Variants in TADA1 observed in about 807,000 individuals in gnomAD.
The protein encoded by TADA1 is transcriptional adapter 1.
A neutral mutation model predicts 39.3 loss-of-function variants in TADA1; 23 were observed. That is an observed-to-expected ratio of 0.58 (90% confidence interval 0.42 to 0.83). The LOEUF (loss-of-function observed/expected upper bound fraction) is 0.83. Ranked by LOEUF, TADA1 falls within the 40% of genes least tolerant of loss-of-function variation. The pLI is 0.00. For synonymous variants in TADA1, 137 were observed against 151.8 expected, an observed-to-expected ratio of 0.90 and a Z score of 0.72; for missense variants, 352 against 408.1, an observed-to-expected ratio of 0.86 and a Z score of 1.18.
In TADA1 at chr1:166,862,232, C is replaced by G; in HGVS notation, c.511G>C (p.Ala171Pro). 6.2e-7 allele frequency: 1 copy of G among 1,613,742 alleles called. No individual in the cohort carries two copies. ...ACAGCATAGACAACAGCTGAAACAG[C>G]CTCCTCGGTGACATTGTCCAGCCCA... ...EHGLDNVTEE[A>P]VSAVVYAVEN... is the part of the protein sequence containing the mutation. The change falls in exon 5 of 8, where the codon GCT becomes CCT. Residue 171 changes from alanine to proline, a missense_variant. By Grantham distance (27) the Ala-to-Pro change is conservative. This residue lies in a region of TADA1 where 285 missense variants were observed against 310.9 expected (regional missense o/e 0.92). Transcript: ENST00000367874.
chr1:166,861,411 T>C (rs748020395), intron 5 of TADA1, among the ~76,000 whole-genome samples: 3 of 152,280 alleles, frequency 2.0e-5, no homozygotes, highest in African/African-American at 7.2e-5. Context: ...CTCAGAGAAT[T>C]GAAAATCCAA....
chr1:166,874,084 G>A (rs1010954564), intron 1 of TADA1, among the ~76,000 whole-genome samples: 2 of 151,582 alleles, frequency 1.3e-5, no homozygotes. Flanking sequence ...GGCTCACGTC[G>A]GTAATCCCAG....
At chr1:166,875,921 G>A (rs980654973) in intron 1 of TADA1, among the ~76,000 whole-genome samples, 9 of 152,112 alleles carry the variant, frequency 5.9e-5, no homozygotes, top group African/African-American at 2.2e-4. Flanking sequence ...AGGGCAGACA[G>A]TCCCGAGCAA....
At position 166,867,532 on chromosome 1, in the gene TADA1, AACAACGACTTC is replaced by A. The variant is rs1375040906; in HGVS notation, c.232+1902_232+1912del. 3.9e-5 allele frequency among the ~76,000 whole-genome samples: 6 copies of A among 152,150 alleles called. No individual in the cohort carries two copies. In the South Asian group the frequency reaches 1.0e-3, roughly 26 times the overall value. On this transcript the variant is annotated intron_variant, in intron 3 of 7. Coordinates refer to ENST00000367874, the MANE Select transcript of TADA1 (RefSeq NM_053053.4). ...AGGTGCTCACAGTTTACTACACATT[AACAACGACTTC>A]TTTGAGGGTCAAAGAACGAGGTGTT...
chr1:166,858,208 G>A lies in TADA1; in HGVS notation c.766C>T (p.Gln256Ter). 6.2e-7 allele frequency: 1 copy of A among 1,613,692 alleles called. No individual in the cohort carries two copies. Among genetic ancestry groups the A allele is most frequent in the Non-Finnish European group, 8.5e-7 (1 of 1,179,830 alleles). ...GAGCATGCCAGCAGGAGTGCAGCCT[G>A]CTGCTCAGCATCATCAGGGGGTGGG... Reference protein sequence around the residue: ...SHPPPDDAEQQAALLLACSGD... With the variant: ...SHPPPDDAEQ The change falls in exon 7 of 8, where the codon CAG (glutamine) becomes TAG (stop). Residue 256 changes from glutamine (Q) to a stop codon, truncating the protein, a stop_gained. Coordinates refer to ENST00000367874, the MANE Select transcript of TADA1 (RefSeq NM_053053.4). LOFTEE classifies it high-confidence loss of function.
chr1:166,859,353 A>C (rs1005114222), intron 6 of TADA1, among the ~76,000 whole-genome samples: 11 of 152,194 alleles, frequency 7.2e-5, no homozygotes, highest in African/African-American at 2.7e-4. Flanking sequence ...AGTCCCAGTT[A>C]TCTCTTTACC....
At chr1:166,869,245 C>T in intron 3 of TADA1, 200 bp downstream of exon 3, 1 of 526,820 alleles carries the variant, frequency 1.9e-6, no homozygotes, top group Non-Finnish European at 3.5e-6. Flanking sequence ...AGAAATCATA[C>T]CTTTTTCTTA....
In TADA1 at chr1:166,862,249, T is replaced by A. The variant is rs749061947; in HGVS notation, c.494A>T (p.Asp165Val). The change falls in exon 5 of 8, where the codon GAC (aspartate) becomes GTC (valine). Residue 165 changes from aspartate (D) to valine (V), a missense_variant. Around this residue, in one of 3 missense-constraint regions of TADA1, gnomAD observed 285 missense variants for 310.9 expected, o/e 0.92. Coordinates refer to ENST00000367874, the MANE Select transcript of TADA1 (RefSeq NM_053053.4). ...MIVTAYEHGL[D>V]NVTEEAVSAV... ...TGAAACAGCCTCCTCGGTGACATTG[T>A]CCAGCCCATGCTCATAAGCAGTCAC... The A allele has an allele frequency of 1.5e-5, 25 of 1,613,858 alleles. No individual in the cohort carries two copies. Among genetic ancestry groups the A allele is most frequent in the Non-Finnish European group, 2.0e-5 (24 of 1,179,974 alleles).
rs78109172 is a variant in TADA1 at position 166,856,560 on chromosome 1, A to ACAGATCCAG, written c.*998_*1006dup. ...ACATTTAAAGTACAAAATCAAATACACAGATCCAGATATGTGAACCATATA... is the reference window on the plus strand; with the variant it reads ...ACATTTAAAGTACAAAATCAAATACACAGATCCAGCAGATCCAGATATGTGAACCATATA... On this transcript the variant is annotated 3_prime_UTR_variant, in exon 8 of 8. Transcript: ENST00000367874. The ACAGATCCAG allele has an allele frequency of 0.07, 10,571 of 150,736 alleles. 751 individuals carry two copies. Among genetic ancestry groups the ACAGATCCAG allele is most frequent in the East Asian group, 0.39 (1,987 of 5,126 alleles). The allele number at this position is 150,736 out of a possible 1,614,324, so 9.3% of individuals were successfully genotyped here. A position where few individuals can be genotyped will look rare whatever the true frequency, so the allele number is the denominator to read the frequency against.
chr1:166,875,095 A>G (rs932906597), intron 1 of TADA1, among the ~76,000 whole-genome samples: 4 of 152,258 alleles, frequency 2.6e-5, no homozygotes, highest in African/African-American at 9.6e-5. Flanking sequence ...ACATCATTTA[A>G]AAGTATGCAT....
At chr1:166,864,721 C>T (rs1436305552) in intron 3 of TADA1, among the ~76,000 whole-genome samples, 1 of 152,176 alleles carries the variant, frequency 6.6e-6, no homozygotes, top group Admixed American at 6.5e-5. Context: ...CTGTGCAATG[C>T]AGGTCACAGG....
chr1:166,869,374 G>A, intron 3 of TADA1, 71 bp downstream of exon 3: 1 of 1,275,908 alleles, frequency 7.8e-7, no homozygotes, highest in South Asian at 1.3e-5. Flanking sequence ...CACTAGCTGT[G>A]TCTATTAGAG....
rs758700602 is a variant in TADA1 at position 166,874,270 on chromosome 1, G to A, written c.74+1890C>T. On this transcript the variant is annotated intron_variant, in intron 1 of 7. Coordinates refer to ENST00000367874, the MANE Select transcript of TADA1 (RefSeq NM_053053.4). ...GCAGAGAAGTGCTTGAACCCAGGAGGTGGAGGCTGCAGTGAGCGGAGATCA... is the reference window on the plus strand; with the variant it reads ...GCAGAGAAGTGCTTGAACCCAGGAGATGGAGGCTGCAGTGAGCGGAGATCA... 1.3e-4 allele frequency among the ~76,000 whole-genome samples: 19 copies of A among 151,930 alleles called. No individual in the cohort carries two copies. The Middle Eastern group carries it at 0.014, about 109-fold the overall frequency.
chr1:166,860,451 A>T, intron 5 of TADA1, 114 bp from the exon 6 acceptor site: 1 of 1,004,982 alleles, frequency 1.0e-6, no homozygotes. Flanking sequence ...AGAATAGGTT[A>T]GTATATGCTA....
intron 1 of TADA1, among the ~76,000 whole-genome samples, chr1:166,871,160 A>G (rs560453817): frequency 5.0e-4 from 76 of 152,334 alleles, no homozygotes; most frequent in African/African-American, 1.6e-3. Context: ...ATCAACACCT[A>G]ATAATAAAAA....
intron 1 of TADA1, among the ~76,000 whole-genome samples, chr1:166,875,143 C>A (rs1458571182): frequency 1.3e-5 from 2 of 152,202 alleles, no homozygotes; most frequent in African/African-American, 4.8e-5. Context: ...ACCAGAGAAG[C>A]CATCTAGCAG....
rs574292642 is a variant in TADA1, at chr1:166,875,992, C to G, written c.74+168G>C. 8.5e-5 allele frequency among the ~76,000 whole-genome samples: 13 copies of G among 152,320 alleles called. 1 individual carries two copies. The South Asian group carries it at 2.1e-3, about 24-fold the overall frequency. On this transcript the variant is annotated intron_variant, in intron 1 of 7. Coordinates refer to ENST00000367874, the MANE Select transcript of TADA1 (RefSeq NM_053053.4). ...CCCGGTCTCTCCAGGGCGGTGAGTT[C>G]AGGTGGCCCGCCCCGCCCCGGCCGG... is the stretch of plus-strand genomic sequence containing the variant.
intron 5 of TADA1, 104 bp from the exon 6 acceptor site, chr1:166,860,441 A>G: frequency 8.8e-7 from 1 of 1,139,060 alleles, no homozygotes; most frequent in South Asian, 1.6e-5. Context: ...ATGGAGATGC[A>G]GAATAGGTTA....
At chr1:166,863,572 A>G (rs12029367) in intron 4 of TADA1, among the ~76,000 whole-genome samples, 57,411 of 152,046 alleles carry the variant, frequency 0.38, 10,964 homozygotes, top group Middle Eastern at 0.5. Context: ...GAGAGACAAA[A>G]GCATTGTTTT....
Sources: gnomAD v4.1 joint callset for allele counts (sites outside exome capture counted in the v4.1 genomes callset) on GRCh38, gnomAD v4.1.1 for gene constraint, gnomAD v4.1.1 regional missense constraint, MANE v1.5 for transcripts, NCBI Gene and HGNC (gene_info 2026-07-23, HGNC 2026-07-21) for gene names.